The following CRMP1 variants were observed in gnomAD, a reference collection of about 807,000 sequenced individuals.
CRMP1 encodes the protein dihydropyrimidinase-related protein 1.
A neutral mutation model predicts 68.3 loss-of-function variants in CRMP1; 19 were observed. The ratio of observed to expected loss-of-function variants is 0.28; its 90% CI spans 0.19 to 0.41. The LOEUF (loss-of-function observed/expected upper bound fraction) is 0.41, where lower values mean the gene tolerates loss of function less well. CRMP1 is among the 10% of genes least tolerant of loss of function. CRMP1 has a pLI of 1.00. For missense variants in CRMP1, 791 were observed against 967.4 expected, an observed-to-expected ratio of 0.82 and a Z score of 2.42; for synonymous variants, 439 against 399.6, an observed-to-expected ratio of 1.10 and a Z score of -1.18.
At chr4:5,868,302 T>TATATAC (rs1408017840) in intron 1 of CRMP1, among the ~76,000 whole-genome samples, 1 of 126,876 alleles carries the variant, frequency 7.9e-6, no homozygotes, top group Non-Finnish European at 1.7e-5. Context: ...TATATATATA[T>TATATAC]ACATAATTTT....
At chr4:5,828,270 G>A (rs1263395830) in intron 12 of CRMP1, 1 of 985,254 alleles carries the variant, frequency 1.0e-6, no homozygotes, top group Non-Finnish European at 1.2e-6. Context: ...CCCCTCTACA[G>A]TTTGCAAAGC....
At chr4:5,876,044 T>C (rs148820124) in intron 1 of CRMP1, among the ~76,000 whole-genome samples, 8,842 of 151,842 alleles carry the variant, frequency 0.058, 328 homozygotes, top group South Asian at 0.1. Flanking sequence ...TCCCAGCTAC[T>C]TGGGAGGCTG....
At chr4:5,871,442 C>G (rs1221251274) in intron 1 of CRMP1, among the ~76,000 whole-genome samples, 1 of 152,008 alleles carries the variant, frequency 6.6e-6, no homozygotes, top group African/African-American at 2.4e-5. Flanking sequence ...GGGCGGATCA[C>G]GAGGTCAGGA....
At chr4:5,880,948 C>T (rs888295679) in intron 1 of CRMP1, among the ~76,000 whole-genome samples, 1 of 152,190 alleles carries the variant, frequency 6.6e-6, no homozygotes, top group African/African-American at 2.4e-5. Context: ...CAGACAATTT[C>T]CCAGTCTTCC....
chr4:5,864,075 G>A (rs1713799124), intron 2 of CRMP1, among the ~76,000 whole-genome samples: 1 of 152,202 alleles, frequency 6.6e-6, no homozygotes, highest in East Asian at 1.9e-4. Context: ...CAACAGCCTG[G>A]TTAGCCGGAG....
Position 5,853,853 on chromosome 4 carries a change from T to C in CRMP1, c.820+2290A>G, listed in dbSNP as rs1019645031. Among the ~76,000 whole-genome samples the C allele has an allele frequency of 6.6e-6, 1 of 152,248 alleles. No individual in the cohort carries two copies. Among genetic ancestry groups the C allele is most frequent in the African/African-American group, 2.4e-5 (1 of 41,468 alleles). ...GCACAGAAAGGCAAACACTGCAGCA[T>C]CTCACTTATATGTGGAATCTAAAAA... On this transcript the variant is annotated intron_variant, in intron 4 of 13. Coordinates refer to ENST00000324989, the MANE Select transcript of CRMP1 (RefSeq NM_001014809.3). This position sits in a 1 kb window ranked among gnomAD's most constrained non-coding sequence, Gnocchi z 4.7.
intron 1 of CRMP1, among the ~76,000 whole-genome samples, chr4:5,876,506 C>T (rs1254607615): frequency 6.6e-6 from 1 of 152,068 alleles, no homozygotes; most frequent in South Asian, 2.1e-4. Context: ...ATGAAGAAAC[C>T]CTTTCTTTCC....
At chr4:5,869,974 T>TA (rs938032246) in intron 1 of CRMP1, among the ~76,000 whole-genome samples, 16 of 152,188 alleles carry the variant, frequency 1.1e-4, no homozygotes, top group Non-Finnish European at 2.2e-4. Flanking sequence ...CCCATGGTCT[T>TA]ATGGCATCAG....
At chr4:5,862,428 T>C (rs1255003694) in intron 2 of CRMP1, among the ~76,000 whole-genome samples, 1 of 152,216 alleles carries the variant, frequency 6.6e-6, no homozygotes, top group East Asian at 1.9e-4. Flanking sequence ...GGAAATCCTT[T>C]CTTCCCCAGT....
Position 5,866,770 on chromosome 4 carries a change from C to G in CRMP1, c.382-14G>C, listed in dbSNP as rs1714030419. ...GAGTCGGTCACTCTGCAAAGCAAGG[C>G]AAAGTATTAAGGATCCTTGGTGAAA... On this transcript the variant is annotated splice_polypyrimidine_tract_variant and intron_variant, in intron 1 of 13. Coordinates refer to ENST00000324989, the MANE Select transcript of CRMP1 (RefSeq NM_001014809.3). The surrounding 1 kb of genome is among the most constrained non-coding windows in gnomAD (Gnocchi z 5.9). 6.3e-7 allele frequency: 1 copy of G among 1,595,132 alleles called. No homozygotes were observed. Among genetic ancestry groups the G allele is most frequent in the African/African-American group, 1.3e-5 (1 of 74,332 alleles).
chr4:5,890,654 T>C lies in CRMP1; in HGVS notation c.381+1935A>G, dbSNP rs564153788. 2.0e-5 allele frequency among the ~76,000 whole-genome samples: 3 copies of C among 152,068 alleles called. No individual in the cohort carries two copies. The South Asian group carries it at 6.2e-4, about 32-fold the overall frequency. The stretch of plus-strand genomic sequence containing the variant: ...CTTTTGTCCGGTGCCTGAGAAGCCA[T>C]GGAGAAAGGCAGAGGGGACCACAGG... On this transcript the variant is annotated intron_variant, in intron 1 of 13. Transcript: ENST00000324989. The surrounding 1 kb of genome is among the most constrained non-coding windows in gnomAD (Gnocchi z 5.5).
At chr4:5,851,770 A>G (rs1712643164) in intron 4 of CRMP1, among the ~76,000 whole-genome samples, 1 of 135,956 alleles carries the variant, frequency 7.4e-6, no homozygotes, top group South Asian at 2.4e-4. Flanking sequence ...GAGGATGAAG[A>G]GGAGGAGAAA....
intron 9 of CRMP1, 26 bp from the exon 10 acceptor site, chr4:5,836,932 T>C: frequency 6.3e-7 from 1 of 1,581,724 alleles, no homozygotes; most frequent in African/African-American, 1.4e-5. Flanking sequence ...CAAGGTAGAG[T>C]TCAGACCCTA....
Position 5,825,429 on chromosome 4 carries a change from C to T in CRMP1, c.1969+65G>A. 1 of 1,499,134 alleles carries T rather than the reference C, an allele frequency of 6.7e-7. No homozygotes were observed. The highest frequency in any genetic ancestry group is 8.8e-7 in the Non-Finnish European group (1 of 1,131,522). 92.9% of individuals were successfully genotyped at this position (1,499,134 alleles called of 1,614,324 possible). On this transcript the variant is annotated intron_variant, in intron 13 of 13. Transcript: ENST00000324989. This position sits in a 1 kb window ranked among gnomAD's most constrained non-coding sequence, Gnocchi z 4.4. Reference sequence around the variant, plus strand: ...GGCCACGTGTCCATTTCCTCAGAAGCAGCAGGAAGGACTCGGCCTGAACTG... The same window carrying T: ...GGCCACGTGTCCATTTCCTCAGAAGTAGCAGGAAGGACTCGGCCTGAACTG...
chr4:5,849,992 C>G (rs888991042), intron 5 of CRMP1, among the ~76,000 whole-genome samples: 2 of 152,138 alleles, frequency 1.3e-5, no homozygotes, highest in African/African-American at 4.8e-5. Context: ...TCTAATAACT[C>G]CAATACTCAG....
At chr4:5,868,253 CTATATATCTATATATATATA>C (rs1560513076) in intron 1 of CRMP1, among the ~76,000 whole-genome samples, 3 of 83,134 alleles carry the variant, frequency 3.6e-5, no homozygotes, top group Admixed American at 3.4e-4. Context: ...TTCTTCATGA[CTATATATCTATATATATATA>C]TATATATATA....
rs1325210388 is a variant in CRMP1 at position 5,870,621 on chromosome 4, A to G, written c.382-3865T>C. Among the ~76,000 whole-genome samples the G allele has an allele frequency of 6.6e-6, 1 of 152,234 alleles. No homozygotes were observed. Among genetic ancestry groups the G allele is most frequent in the African/African-American group, 2.4e-5 (1 of 41,466 alleles). Reference sequence around the variant, plus strand: ...CAGATGAATGGGTGAAGATGGAGAGAAAGGCATCACAGCTGTGAGCCGAGG... The same window carrying G: ...CAGATGAATGGGTGAAGATGGAGAGGAAGGCATCACAGCTGTGAGCCGAGG... On this transcript the variant is annotated intron_variant, in intron 1 of 13. Transcript: ENST00000324989. This position sits in a 1 kb window ranked among gnomAD's most constrained non-coding sequence, Gnocchi z 6.0.
chr4:5,851,941 A>G (rs1712680384), intron 4 of CRMP1, among the ~76,000 whole-genome samples: 2 of 148,184 alleles, frequency 1.3e-5, no homozygotes, highest in South Asian at 4.4e-4. Context: ...GAGGAAGAGG[A>G]GGAGAAAGGG....
intron 4 of CRMP1, among the ~76,000 whole-genome samples, chr4:5,852,994 C>G (rs989972060): frequency 1.3e-5 from 2 of 152,110 alleles, no homozygotes; most frequent in Non-Finnish European, 2.9e-5. Flanking sequence ...GGCTGGGGCT[C>G]TGGGCCCCAG....
Sources: allele counts gnomAD v4.1 joint callset (sites outside exome capture counted in the v4.1 genomes callset), GRCh38; gene constraint gnomAD v4.1.1; non-coding constraint Gnocchi (gnomAD v3.1); transcripts MANE v1.5; gene names NCBI Gene and HGNC (gene_info 2026-07-23, HGNC 2026-07-21).